The following TMEM232 variants were observed in gnomAD, a reference collection of about 807,000 sequenced individuals.
The protein encoded by TMEM232 is transmembrane protein 232.
TMEM232 carries 80 observed loss-of-function variants against 78.8 expected under a neutral mutation model. That is an observed-to-expected ratio of 1.01 (90% CI 0.85 to 1.22). The LOEUF (loss-of-function observed/expected upper bound fraction) is 1.22. Ranked by LOEUF, TMEM232 falls within the 50% of genes most tolerant of loss-of-function variation. The probability of loss-of-function intolerance (pLI) is 0.00; values close to 1 mark genes in which losing one functional copy is unlikely to be tolerated. For missense variants in TMEM232, 881 were observed against 742.2 expected, an observed-to-expected ratio of 1.19 and a Z score of -2.17; for synonymous variants, 297 against 254.3, an observed-to-expected ratio of 1.17 and a Z score of -1.60.
intron 12 of TMEM232, chr5:110,429,963 T>G (rs900079520): frequency 1.3e-5 from 2 of 151,774 alleles, no homozygotes; most frequent in African/African-American, 4.8e-5. Flanking sequence ...TTTCTTCCGA[T>G]GAAGGCCTTA....
intron 2 of TMEM232, among the ~76,000 whole-genome samples, chr5:110,646,587 C>G (rs143220538): frequency 0.018 from 2,721 of 151,830 alleles, 30 homozygotes; most frequent in Admixed American, 0.024. Flanking sequence ...AGGCCTGAAA[C>G]TGTAAAACTA....
At chr5:110,665,697 A>G (rs79824331) in intron 2 of TMEM232, among the ~76,000 whole-genome samples, 1 of 152,076 alleles carries the variant, frequency 6.6e-6, no homozygotes, top group African/African-American at 2.4e-5. Context: ...TGATATTTGA[A>G]TGGGGACATA....
chr5:110,648,655 T>C (rs188440890), intron 2 of TMEM232, among the ~76,000 whole-genome samples: 1 of 152,140 alleles, frequency 6.6e-6, no homozygotes, highest in Non-Finnish European at 1.5e-5. Flanking sequence ...GCTGTGTTAC[T>C]GGGACCACCG....
At chr5:110,660,680 T>C (rs568820175) in intron 2 of TMEM232, among the ~76,000 whole-genome samples, 5 of 152,290 alleles carry the variant, frequency 3.3e-5, no homozygotes, top group Admixed American at 3.3e-4. Flanking sequence ...TTTGCTTTAT[T>C]ATTTTTTATT....
At chr5:110,516,030 G>C (rs577887655) in intron 12 of TMEM232, among the ~76,000 whole-genome samples, 2 of 152,282 alleles carry the variant, frequency 1.3e-5, no homozygotes, top group Admixed American at 6.5e-5. Context: ...ACGAGGTCAG[G>C]AGGTCGAGAC....
chr5:110,587,683 ATATATATATGTGTGTGTGTG>A (rs1352950054), intron 10 of TMEM232, among the ~76,000 whole-genome samples: 163 of 91,998 alleles, frequency 1.8e-3, no homozygotes, highest in African/African-American at 6.3e-3. Context: ...ATATATATAT[ATATATATATGTGTGTGTGTG>A]TGTGTGTGTG....
chr5:110,528,832 C>A lies in TMEM232; in HGVS notation c.1459G>T (p.Glu487Ter). 1 of 1,433,890 alleles carries A rather than the reference C, an allele frequency of 7.0e-7. No homozygotes were observed. The highest frequency in any genetic ancestry group is 9.2e-7 in the Non-Finnish European group (1 of 1,092,326). The allele number at this position is 1,433,890 out of a possible 1,614,324, so 88.8% of individuals were successfully genotyped here. ...AAAGGATCAGTTGGGTCATTTAACT[C>A]AGCCTGTTGAAAGAAAAGAGAAAGG... is the stretch of plus-strand genomic sequence containing the variant. ...IQNAINIAQA[E>*]LNDPTDPFTR... is the part of the protein sequence containing the mutation. Residue 487 changes from glutamate to a stop codon, truncating the protein, a stop_gained, in exon 12 of 14, where the codon GAG (glutamate) becomes TAG (stop). Transcript: ENST00000455884. LOFTEE classifies it high-confidence loss of function.
At chr5:110,682,569 T>G (rs968367468) in intron 1 of TMEM232, among the ~76,000 whole-genome samples, 2 of 152,194 alleles carry the variant, frequency 1.3e-5, no homozygotes, top group Admixed American at 6.5e-5. Flanking sequence ...AAAATTTACC[T>G]TGCATATTTA....
rs1046971925 is a variant in TMEM232 at position 110,467,854 on chromosome 5, T to C, written c.1704-42938A>G. Among the ~76,000 whole-genome samples the C allele has an allele frequency of 3.3e-5, 5 of 152,078 alleles. 1 individual carries two copies. Among genetic ancestry groups the C allele is most frequent in the Non-Finnish European group, 7.4e-5 (5 of 67,990 alleles). On this transcript the variant is annotated intron_variant, in intron 12 of 13. Coordinates refer to ENST00000455884, the MANE Select transcript of TMEM232 (RefSeq NM_001039763.4). ...AGAGAAACACATCCCAAGGTTCTTC[T>C]ATCCAAGATTCTAGTCTAGCAGGGT...
At chr5:110,451,584 A>G (rs981635707) in intron 12 of TMEM232, among the ~76,000 whole-genome samples, 1 of 151,954 alleles carries the variant, frequency 6.6e-6, no homozygotes, top group Admixed American at 6.6e-5. Flanking sequence ...TGCTTTAATG[A>G]TTTTGTTTAT....
intron 10 of TMEM232, among the ~76,000 whole-genome samples, chr5:110,584,924 A>C (rs1017146991): frequency 3.3e-5 from 5 of 152,052 alleles, no homozygotes; most frequent in African/African-American, 1.2e-4. Context: ...TTAATTTTTA[A>C]AGTGACAAGT....
intron 1 of TMEM232, among the ~76,000 whole-genome samples, chr5:110,713,889 A>G (rs1796751999): frequency 6.6e-6 from 1 of 152,152 alleles, no homozygotes; most frequent in Non-Finnish European, 1.5e-5. Context: ...TCTTGATGGG[A>G]AAACTTAAAC....
At chr5:110,460,541 A>G (rs1761402554) in intron 12 of TMEM232, among the ~76,000 whole-genome samples, 1 of 152,182 alleles carries the variant, frequency 6.6e-6, no homozygotes, top group African/African-American at 2.4e-5. Flanking sequence ...GCTTAAATCA[A>G]TTTTGGGACA....
At chr5:110,589,645 C>T (rs985120902) in intron 10 of TMEM232, among the ~76,000 whole-genome samples, 4 of 151,982 alleles carry the variant, frequency 2.6e-5, no homozygotes, top group South Asian at 2.1e-4. Context: ...TCAGTTTTCT[C>T]GCTCGAAAAT....
At chr5:110,392,548 A>G (rs536836056) in intron 3 of TMEM232, among the ~76,000 whole-genome samples, 13 of 152,316 alleles carry the variant, frequency 8.5e-5, no homozygotes, top group African/African-American at 3.1e-4. Flanking sequence ...TGACAATTAC[A>G]TTCCTGTGTA....
chr5:110,589,001 G>A (rs947090157), intron 10 of TMEM232, among the ~76,000 whole-genome samples: 2 of 152,020 alleles, frequency 1.3e-5, no homozygotes, highest in African/African-American at 2.4e-5. Flanking sequence ...TCCAGATAAT[G>A]CAGGCTTTTA....
intron 2 of TMEM232, among the ~76,000 whole-genome samples, chr5:110,407,803 T>A (rs560365570): frequency 4.6e-5 from 7 of 152,232 alleles, no homozygotes; most frequent in East Asian, 1.9e-4. Context: ...CAAATTTTTT[T>A]AAAAATATAT....
At chr5:110,548,745 T>G (rs1318134932) in intron 11 of TMEM232, among the ~76,000 whole-genome samples, 1 of 151,952 alleles carries the variant, frequency 6.6e-6, no homozygotes, top group Non-Finnish European at 1.5e-5. Flanking sequence ...AAATACCACT[T>G]CTCCTTAGAG....
At chr5:110,506,465 C>T (rs1029343567) in intron 12 of TMEM232, among the ~76,000 whole-genome samples, 2 of 152,138 alleles carry the variant, frequency 1.3e-5, no homozygotes, top group African/African-American at 4.8e-5. Context: ...GTTGTCCACA[C>T]ACTGGAGTAA....
Sources: gnomAD v4.1 joint callset for allele counts (sites outside exome capture counted in the v4.1 genomes callset) on GRCh38, gnomAD v4.1.1 for gene constraint, MANE v1.5 for transcripts, NCBI Gene and HGNC (gene_info 2026-07-23, HGNC 2026-07-21) for gene names.